Variants in HS6ST3 observed in about 807,000 individuals in gnomAD.
The protein encoded by HS6ST3 is heparan-sulfate 6-O-sulfotransferase 3.
In HS6ST3, 12 loss-of-function variants were observed where a neutral mutation model predicts 36.7. The ratio of observed to expected loss-of-function variants is 0.33; its 90% CI spans 0.21 to 0.53. HS6ST3 has a LOEUF of 0.53. Among genes scored for constraint, HS6ST3 ranks in the 20% least tolerant of loss-of-function variants. HS6ST3 has a pLI of 0.95. For missense variants in HS6ST3, 584 were observed against 640.9 expected (o/e 0.91, Z 0.96); for synonymous variants, 240 against 257.5 (o/e 0.93, Z 0.65).
chr13:96,336,690 A>C (rs1203961327), intron 1 of HS6ST3, among the ~76,000 whole-genome samples: 4 of 152,162 alleles, frequency 2.6e-5, no homozygotes, highest in African/African-American at 9.7e-5. Flanking sequence ...TAAGGAAATA[A>C]ATTTCTGTTG....
rs186653560 is a variant in HS6ST3, at chr13:96,107,386, G to A, written c.707+15817G>A. ...GTGCTAAGAAGGTGAAAGAATGGTCGGGACAAGGTGTTGGATGGGTTATCC... is the reference window on the plus strand; with the variant it reads ...GTGCTAAGAAGGTGAAAGAATGGTCAGGACAAGGTGTTGGATGGGTTATCC... On this transcript the variant is annotated intron_variant, in intron 1 of 1. Transcript: ENST00000376705. Among the ~76,000 whole-genome samples the A allele has an allele frequency of 2.5e-4, 38 of 152,184 alleles. 1 individual carries two copies. The highest frequency in any genetic ancestry group is 6.5e-4 in the Admixed American group (10 of 15,280).
At chr13:96,628,308 T>C (rs1389061486) in intron 1 of HS6ST3, among the ~76,000 whole-genome samples, 2 of 151,970 alleles carry the variant, frequency 1.3e-5, no homozygotes, top group African/African-American at 4.8e-5. Flanking sequence ...TCCAAATATA[T>C]AATTCTTTTT....
In HS6ST3 at chr13:96,217,684, G is replaced by A. The variant is rs553125521; in HGVS notation, c.707+126115G>A. Among the ~76,000 whole-genome samples the A allele has an allele frequency of 1.1e-4, 17 of 152,308 alleles. 2 individuals carry two copies. The South Asian group carries it at 3.1e-3, about 28-fold the overall frequency. ...GTTTAGTCAAGTAGGGCAGGAATTT[G>A]AAACTAGTCTAACTTCAAAATCTAT... On this transcript the variant is annotated intron_variant, in intron 1 of 1. Coordinates refer to ENST00000376705, the MANE Select transcript of HS6ST3 (RefSeq NM_153456.4).
intron 1 of HS6ST3, among the ~76,000 whole-genome samples, chr13:96,453,263 T>C (rs1036865803): frequency 6.6e-6 from 1 of 152,016 alleles, no homozygotes; most frequent in Non-Finnish European, 1.5e-5. Flanking sequence ...TGGTAAAGTC[T>C]GGGCTTTTAT....
At chr13:96,453,727 C>A (rs1354625633) in intron 1 of HS6ST3, among the ~76,000 whole-genome samples, 1 of 152,146 alleles carries the variant, frequency 6.6e-6, no homozygotes, top group Non-Finnish European at 1.5e-5. Context: ...TCACCATACG[C>A]CTGGAAATCA....
chr13:96,501,273 G>A (rs1375926583), intron 1 of HS6ST3, among the ~76,000 whole-genome samples: 1 of 152,176 alleles, frequency 6.6e-6, no homozygotes, highest in East Asian at 1.9e-4. Flanking sequence ...AGCACCCATA[G>A]CACATAAAAT....
At chr13:96,382,397 G>A (rs1280801812) in intron 1 of HS6ST3, among the ~76,000 whole-genome samples, 1 of 152,162 alleles carries the variant, frequency 6.6e-6, no homozygotes, top group African/African-American at 2.4e-5. Context: ...AATATGGAGT[G>A]TTATTAGGTA....
chr13:96,160,867 G>T (rs1355566772), intron 1 of HS6ST3, among the ~76,000 whole-genome samples: 5 of 152,190 alleles, frequency 3.3e-5, no homozygotes, highest in African/African-American at 7.2e-5. Context: ...ACAGGGCTGG[G>T]ATGGCCCTGG....
chr13:96,821,201 T>G (rs1259209339), intron 1 of HS6ST3, among the ~76,000 whole-genome samples: 2 of 152,226 alleles, frequency 1.3e-5, no homozygotes, highest in Non-Finnish European at 2.9e-5. Flanking sequence ...TGCACTCCTG[T>G]GCTAAAGTAG....
intron 1 of HS6ST3, among the ~76,000 whole-genome samples, chr13:96,576,724 C>G (rs1002560255): frequency 1.3e-5 from 2 of 151,746 alleles, no homozygotes; most frequent in Non-Finnish European, 2.9e-5. Context: ...GGCAGATCAC[C>G]TGAGGTCAGG....
chr13:96,506,791 C>T (rs532882679), intron 1 of HS6ST3, among the ~76,000 whole-genome samples: 1 of 152,186 alleles, frequency 6.6e-6, no homozygotes, highest in South Asian at 2.1e-4. Flanking sequence ...AACTGAAAAC[C>T]AATCACTCCT....
At chr13:96,240,300 A>C (rs1400477585) in intron 1 of HS6ST3, among the ~76,000 whole-genome samples, 1 of 152,160 alleles carries the variant, frequency 6.6e-6, no homozygotes, top group East Asian at 1.9e-4. Flanking sequence ...TGAGAAATTA[A>C]AAGCATCAAA....
At chr13:96,576,115 G>T (rs2056319738) in intron 1 of HS6ST3, among the ~76,000 whole-genome samples, 1 of 152,184 alleles carries the variant, frequency 6.6e-6, no homozygotes, top group Non-Finnish European at 1.5e-5. Context: ...ATGTGAGAAA[G>T]AACACGTGTA....
chr13:96,379,734 G>A (rs1463884483), intron 1 of HS6ST3, among the ~76,000 whole-genome samples: 1 of 152,194 alleles, frequency 6.6e-6, no homozygotes, highest in Non-Finnish European at 1.5e-5. Context: ...GGGAAGTATA[G>A]TGTGGGCTTT....
chr13:96,241,195 G>A (rs1356407282), intron 1 of HS6ST3, among the ~76,000 whole-genome samples: 3 of 151,148 alleles, frequency 2.0e-5, no homozygotes, highest in African/African-American at 7.3e-5. Flanking sequence ...ACTGTCAGCT[G>A]ATCATTAAAA....
intron 1 of HS6ST3, among the ~76,000 whole-genome samples, chr13:96,098,173 G>A (rs2053800580): frequency 6.6e-6 from 1 of 152,162 alleles, no homozygotes; most frequent in South Asian, 2.1e-4. Context: ...AAACTCATTT[G>A]TTTACTGACA....
chr13:96,257,378 T>A (rs1000218747), intron 1 of HS6ST3, among the ~76,000 whole-genome samples: 1 of 152,134 alleles, frequency 6.6e-6, no homozygotes, highest in African/African-American at 2.4e-5. Flanking sequence ...TCTTTCCAAT[T>A]ATCCATGCTG....
chr13:96,286,649 A>C (rs1323423351), intron 1 of HS6ST3, among the ~76,000 whole-genome samples: 1 of 152,076 alleles, frequency 6.6e-6, no homozygotes, highest in African/African-American at 2.4e-5. Context: ...TAGTGTACTT[A>C]AGTCTTTACT....
chr13:96,724,554 C>A (rs2138471500), intron 1 of HS6ST3, among the ~76,000 whole-genome samples: 1 of 152,308 alleles, frequency 6.6e-6, no homozygotes, highest in Admixed American at 6.5e-5. Flanking sequence ...CTAGCAAACA[C>A]TCATCTGCTT....
Sources: allele counts gnomAD v4.1 joint callset (sites outside exome capture counted in the v4.1 genomes callset), GRCh38; gene constraint gnomAD v4.1.1; transcripts MANE v1.5; gene names NCBI Gene and HGNC (gene_info 2026-07-23, HGNC 2026-07-21).